The following GALNT9 variants were observed in gnomAD, a reference collection of about 807,000 sequenced individuals.
The protein encoded by GALNT9 is polypeptide N-acetylgalactosaminyltransferase 9.
A neutral mutation model predicts 63.1 loss-of-function variants in GALNT9; 47 were observed. The ratio of observed to expected loss-of-function variants is 0.75; its 90% confidence interval spans 0.59 to 0.95. GALNT9 has a LOEUF of 0.95. Ranked by LOEUF, GALNT9 falls within the 40% of genes least tolerant of loss-of-function variation. The pLI, the probability that GALNT9 is intolerant of heterozygous loss-of-function variation, is 0.00. For missense variants in GALNT9, 829 were observed against 874.8 expected (o/e 0.95, Z 0.66); for synonymous variants, 396 against 365.7 (o/e 1.08, Z -0.94).
chr12:132,307,978 G>C (rs1346077534), intron 1 of GALNT9, among the ~76,000 whole-genome samples: 1 of 151,974 alleles, frequency 6.6e-6, no homozygotes, highest in Non-Finnish European at 1.5e-5. Flanking sequence ...TGTGGCTGCA[G>C]TGAGCTATGA....
chr12:132,203,159 G>A (rs912841348), intron 7 of GALNT9, among the ~76,000 whole-genome samples: 1 of 152,210 alleles, frequency 6.6e-6, no homozygotes, highest in East Asian at 1.9e-4. Flanking sequence ...GCTGTGCAGG[G>A]CACTAAGTGG....
chr12:132,283,376 G>A (rs1179040407), intron 2 of GALNT9: 1 of 152,320 alleles, frequency 6.6e-6, no homozygotes, highest in Non-Finnish European at 1.5e-5. Context: ...GGGGTACTTG[G>A]AGACCTTCCT....
intron 1 of GALNT9, among the ~76,000 whole-genome samples, chr12:132,320,246 G>A (rs1868717846): frequency 6.6e-6 from 1 of 152,156 alleles, no homozygotes. Flanking sequence ...CACACTGAGA[G>A]GCACAGAACG....
At chr12:132,291,058 T>A (rs185744580) in intron 1 of GALNT9, among the ~76,000 whole-genome samples, 432 of 11,244 alleles carry the variant, frequency 0.038, no homozygotes, top group African/African-American at 0.047. Context: ...GCCCACATCC[T>A]CAGCACCCAC....
chr12:132,311,130 T>C (rs1881798514), intron 1 of GALNT9, among the ~76,000 whole-genome samples: 1 of 152,110 alleles, frequency 6.6e-6, no homozygotes, highest in South Asian at 2.1e-4. Context: ...TGGCAAGAAA[T>C]TGCTAGGCCA....
intron 1 of GALNT9, among the ~76,000 whole-genome samples, chr12:132,308,147 C>T (rs1448170301): frequency 6.6e-6 from 1 of 152,182 alleles, no homozygotes; most frequent in African/African-American, 2.4e-5. Context: ...GGTGCAGCAG[C>T]GTGGCCAACG....
intron 1 of GALNT9, among the ~76,000 whole-genome samples, chr12:132,321,245 G>C (rs1158775063): frequency 6.6e-6 from 1 of 150,938 alleles, no homozygotes; most frequent in Non-Finnish European, 1.5e-5. Context: ...GCCCCTGTCG[G>C]TCCGGAGTCG....
rs2136898406 is a variant in GALNT9 at position 132,240,508 on chromosome 12, C to G, written c.1077+7402G>C. On this transcript the variant is annotated intron_variant, in intron 6 of 10. Transcript: ENST00000328957. ...GCTCGGACCCCGGGCGGCACTCACT[C>G]CAGTCGCTGGCAGTGCTGCTGTGGG... 8.2e-4 allele frequency: 346 copies of G among 424,054 alleles called. 5 individuals carry two copies. In the Admixed American group the frequency reaches 9.2e-3, roughly 11 times the overall value. 26.3% of individuals were successfully genotyped at this position (424,054 alleles called of 1,614,324 possible).
chr12:132,270,700 A>G (rs1782715219), intron 2 of GALNT9, among the ~76,000 whole-genome samples: 1 of 152,202 alleles, frequency 6.6e-6, no homozygotes, highest in South Asian at 2.1e-4. Context: ...GGCCACAGCC[A>G]CAGCCACGGA....
Position 132,286,187 on chromosome 12 carries a change from C to T in GALNT9, c.419+63G>A. The T allele has an allele frequency of 6.8e-7, 1 of 1,477,740 alleles. No individual in the cohort carries two copies. The highest frequency in any genetic ancestry group is 9.0e-7 in the Non-Finnish European group (1 of 1,105,954). The allele number at this position is 1,477,740 out of a possible 1,614,324, so 91.5% of individuals were successfully genotyped here. A position where few individuals can be genotyped will look rare whatever the true frequency, so the allele number is the denominator to read the frequency against. On this transcript the variant is annotated intron_variant, in intron 2 of 10. Transcript: ENST00000328957. This position sits in a 1 kb window ranked among gnomAD's most constrained non-coding sequence, Gnocchi z 7.4. ...CGTGGGGGGCAGTCACTTCCCTGGC[C>T]AGTGTGGGGGGCGGTCACTTCCTCG...
At chr12:132,259,346 C>G (rs566410340) in intron 4 of GALNT9, among the ~76,000 whole-genome samples, 2 of 152,238 alleles carry the variant, frequency 1.3e-5, no homozygotes, top group African/African-American at 4.8e-5. Flanking sequence ...TAAAAGGCTG[C>G]CGGTGTAGTT....
At chr12:132,281,178 G>C (rs1566011282) in intron 2 of GALNT9, among the ~76,000 whole-genome samples, 1 of 152,268 alleles carries the variant, frequency 6.6e-6, no homozygotes, top group Non-Finnish European at 1.5e-5. Flanking sequence ...TGGTTCCTGG[G>C]AAGATGGATA....
At chr12:132,230,694 C>T (rs915945745) in intron 6 of GALNT9, among the ~76,000 whole-genome samples, 3 of 152,366 alleles carry the variant, frequency 2.0e-5, no homozygotes, top group South Asian at 4.1e-4. Context: ...GCCCGGTCCT[C>T]CTGTAGCTGG....
At chr12:132,209,098 A>G (rs1305316623) in intron 6 of GALNT9, among the ~76,000 whole-genome samples, 3 of 151,448 alleles carry the variant, frequency 2.0e-5, no homozygotes, top group African/African-American at 7.4e-5. Context: ...TTCAAACCAC[A>G]TCGTGAACAG....
chr12:132,311,527 A>C (rs782297571), intron 1 of GALNT9, among the ~76,000 whole-genome samples: 1 of 152,202 alleles, frequency 6.6e-6, no homozygotes, highest in Non-Finnish European at 1.5e-5. Flanking sequence ...AATGTTCAAC[A>C]ACAATGACCA....
chr12:132,244,780 GGGGC>G (rs1878643427), intron 6 of GALNT9, among the ~76,000 whole-genome samples: 1 of 133,432 alleles, frequency 7.5e-6, no homozygotes, highest in Non-Finnish European at 1.6e-5. Context: ...GGGCTGGACG[GGGGC>G]GTGGTGATGG....
rs887093116 is a variant in GALNT9, at chr12:132,315,071, G to A, written c.238+13895C>T. 6.6e-6 allele frequency among the ~76,000 whole-genome samples: 1 copy of A among 152,220 alleles called. No homozygotes were observed. Among genetic ancestry groups the A allele is most frequent in the Non-Finnish European group, 1.5e-5 (1 of 68,040 alleles). On this transcript the variant is annotated intron_variant, in intron 1 of 10. Transcript: ENST00000328957. This position sits in a 1 kb window ranked among gnomAD's most constrained non-coding sequence, Gnocchi z 6.1. ...TTTACAGATGAGGAAGCTGAGGAGCGGGAGACTGGGCGGCCTGACGGAGGT... is the reference window on the plus strand; with the variant it reads ...TTTACAGATGAGGAAGCTGAGGAGCAGGAGACTGGGCGGCCTGACGGAGGT...
At chr12:132,323,293 G>T (rs540548506) in intron 1 of GALNT9, among the ~76,000 whole-genome samples, 1 of 152,364 alleles carries the variant, frequency 6.6e-6, no homozygotes, top group East Asian at 1.9e-4. Flanking sequence ...CCGACGCTGG[G>T]GATCACCGCC....
At chr12:132,328,352 T>A (rs1258965098) in intron 1 of GALNT9, among the ~76,000 whole-genome samples, 1 of 152,118 alleles carries the variant, frequency 6.6e-6, no homozygotes, top group Non-Finnish European at 1.5e-5. Context: ...CCCTGCATGA[T>A]CCTCAACTCC....
Sources: allele counts gnomAD v4.1 joint callset (sites outside exome capture counted in the v4.1 genomes callset), GRCh38; gene constraint gnomAD v4.1.1; non-coding constraint Gnocchi (gnomAD v3.1); transcripts MANE v1.5; gene names NCBI Gene and HGNC (gene_info 2026-07-23, HGNC 2026-07-21).